The following MGST1 variants were observed in gnomAD, a reference collection of about 807,000 sequenced individuals.
The protein encoded by MGST1 is glutathione S-transferase 12.
In MGST1, 5 loss-of-function variants were observed where a neutral mutation model predicts 8.9. That is an observed-to-expected ratio of 0.56 (90% CI 0.29 to 1.19). The LOEUF (loss-of-function observed/expected upper bound fraction) is 1.19, where lower values mean the gene tolerates loss of function less well. MGST1 is among the 50% of genes most tolerant of loss of function. The pLI, the probability that MGST1 is intolerant of heterozygous loss-of-function variation, is 0.08. For missense variants in MGST1, 182 were observed against 187.4 expected (o/e 0.97, Z 0.17); for synonymous variants, 54 against 67.8 (o/e 0.80, Z 1.00).
intron 1 of MGST1, among the ~76,000 whole-genome samples, chr12:16,414,894 C>T (rs1428257046): frequency 6.6e-6 from 1 of 152,022 alleles, no homozygotes; most frequent in Non-Finnish European, 1.5e-5. Flanking sequence ...CGTGATGGCA[C>T]GTGCCTGTAA....
rs1744250841 is a variant in MGST1, at chr12:16,535,541, C to CACTAA, written n.483-53987_483-53986insACTAA. ...CAGAGATAGTCAAACTACACAAACACCATGGGGATTCCCCAGTTACATGCA... is the reference window on the plus strand; with the variant it reads ...CAGAGATAGTCAAACTACACAAACACACTAACATGGGGATTCCCCAGTTACATGCA... On this transcript the variant is annotated intron_variant and non_coding_transcript_variant, in intron 4 of 4. Coordinates refer to the MGST1 transcript ENST00000538857. 3.3e-5 allele frequency among the ~76,000 whole-genome samples: 5 copies of CACTAA among 152,324 alleles called. No homozygotes were observed. In the South Asian group the frequency reaches 8.3e-4, roughly 25 times the overall value.
chr12:16,511,120 G>T (rs1269845674), intron 4 of MGST1, among the ~76,000 whole-genome samples: 1 of 152,120 alleles, frequency 6.6e-6, no homozygotes, highest in African/African-American at 2.4e-5. Context: ...TAAATTGTTT[G>T]CATTTTTAAA....
At chr12:16,379,359 A>C (rs1231113752), downstream of MGST1, among the ~76,000 whole-genome samples, 1 of 152,112 alleles carries the variant, frequency 6.6e-6, no homozygotes, top group Admixed American at 6.6e-5. Context: ...TAGCATGAAG[A>C]GTTGTCGAAT....
chr12:16,564,620 A>C (rs929001963), intron 4 of MGST1, among the ~76,000 whole-genome samples: 1 of 152,194 alleles, frequency 6.6e-6, no homozygotes, highest in Non-Finnish European at 1.5e-5. Context: ...CAGTGGCTCA[A>C]GTCACTAAAT....
At chr12:16,387,140 T>C (rs1164361437) in intron 1 of MGST1, among the ~76,000 whole-genome samples, 1 of 152,220 alleles carries the variant, frequency 6.6e-6, no homozygotes, top group Non-Finnish European at 1.5e-5. Context: ...CTTTATTTTA[T>C]TGTGCCTAAT....
At chr12:16,422,254 T>C (rs569320384) in intron 1 of MGST1, among the ~76,000 whole-genome samples, 1 of 152,308 alleles carries the variant, frequency 6.6e-6, no homozygotes, top group South Asian at 2.1e-4. Flanking sequence ...TGTATATGAA[T>C]CTATCCATCT....
Position 16,401,318 on chromosome 12 carries a change from A to G in MGST1, n.778+17714A>G, listed in dbSNP as rs1940653963. The G allele has an allele frequency of 2.1e-6, 3 of 1,436,530 alleles. No homozygotes were observed. The highest frequency in any genetic ancestry group is 1.4e-5 in the African/African-American group (1 of 71,338). 89.0% of individuals were successfully genotyped at this position (1,436,530 alleles called of 1,614,324 possible). Reference sequence around the variant, plus strand: ...AAAACCATTCCTGTCTTCAGTTTGTATTGATTTTTACTATTGATTACTAGG... The same window carrying G: ...AAAACCATTCCTGTCTTCAGTTTGTGTTGATTTTTACTATTGATTACTAGG... On this transcript the variant is annotated intron_variant and non_coding_transcript_variant, in intron 1 of 1. Transcript: ENST00000359720. This position sits in a 1 kb window ranked among gnomAD's most constrained non-coding sequence, Gnocchi z 4.3.
intron 4 of MGST1, chr12:16,550,260 G>C (rs1941939792): frequency 6.6e-6 from 1 of 152,364 alleles, no homozygotes; most frequent in Non-Finnish European, 1.5e-5. Flanking sequence ...AGCTCTTGTG[G>C]AGAGATCTGG....
intron 1 of MGST1, among the ~76,000 whole-genome samples, chr12:16,402,952 T>TCTCTA (rs10643908): frequency 0.39 from 57,344 of 148,750 alleles, 11,133 homozygotes; most frequent in East Asian, 0.52. Context: ...TTTAATATAT[T>TCTCTA]CTCTATATAT....
At chr12:16,420,035 G>A (rs1196452331) in intron 1 of MGST1, among the ~76,000 whole-genome samples, 2 of 151,990 alleles carry the variant, frequency 1.3e-5, no homozygotes, top group African/African-American at 4.8e-5. Context: ...GTGAGGAAAG[G>A]GTGATTTAGA....
chr12:16,540,471 G>A (rs191562338), intron 4 of MGST1, among the ~76,000 whole-genome samples: 9 of 152,280 alleles, frequency 5.9e-5, no homozygotes, highest in African/African-American at 2.2e-4. Flanking sequence ...GTTCTTAGAT[G>A]CATAAGAAAG....
chr12:16,364,740 A>AT (rs1940153594), downstream of MGST1, among the ~76,000 whole-genome samples: 1 of 152,010 alleles, frequency 6.6e-6, no homozygotes, highest in Admixed American at 6.6e-5. The surrounding 1 kb of genome is among the most constrained non-coding windows in gnomAD (Gnocchi z 5.7). Context: ...CCTTATTCCA[A>AT]TTTTTTCATG....
At chr12:16,489,040 T>C (rs1478317606) in intron 4 of MGST1, among the ~76,000 whole-genome samples, 2 of 151,900 alleles carry the variant, frequency 1.3e-5, no homozygotes, top group Non-Finnish European at 2.9e-5. Context: ...AACCCAGGAG[T>C]CTGAGGCTGC....
At chr12:16,488,155 AATTAGGAGAAT>A (rs1474341833) in intron 4 of MGST1, among the ~76,000 whole-genome samples, 1 of 152,202 alleles carries the variant, frequency 6.6e-6, no homozygotes, top group Admixed American at 6.5e-5. Context: ...TGTGAAGTTG[AATTAGGAGAAT>A]ATTGCTTTCT....
downstream of MGST1, among the ~76,000 whole-genome samples, chr12:16,365,772 G>A (rs765963420): frequency 2.0e-5 from 3 of 150,124 alleles, no homozygotes; most frequent in Non-Finnish European, 4.4e-5. Flanking sequence ...CACACACCCT[G>A]CTCTGGAGTT....
In MGST1 at chr12:16,482,292, A is replaced by G. The variant is rs1941369223; in HGVS notation, n.482+98688A>G. On this transcript the variant is annotated intron_variant and non_coding_transcript_variant, in intron 4 of 4. Coordinates refer to the MGST1 transcript ENST00000538857. This position sits in a 1 kb window ranked among gnomAD's most constrained non-coding sequence, Gnocchi z 4.2. The stretch of plus-strand genomic sequence containing the variant: ...AAATATGTGAATACATTTAAAATAG[A>G]TTTTTCTGTGAGAAAAAGAAAAGGA... Among the ~76,000 whole-genome samples the G allele has an allele frequency of 6.6e-6, 1 of 152,100 alleles. No homozygotes were observed.
At chr12:16,366,613 A>C (rs574764521), downstream of MGST1, among the ~76,000 whole-genome samples, 1 of 148,498 alleles carries the variant, frequency 6.7e-6, no homozygotes, top group South Asian at 2.1e-4. This position sits in a 1 kb window ranked among gnomAD's most constrained non-coding sequence, Gnocchi z 4.0. Context: ...TTCTATCTGC[A>C]TGCATATCTG....
chr12:16,532,119 C>A (rs1259223025), intron 4 of MGST1, among the ~76,000 whole-genome samples: 1 of 152,130 alleles, frequency 6.6e-6, no homozygotes, highest in Non-Finnish European at 1.5e-5. Flanking sequence ...ATGCTCAGGA[C>A]AGACTGCAAA....
At chr12:16,398,278 A>T (rs11830466) in intron 1 of MGST1, among the ~76,000 whole-genome samples, 58,996 of 151,940 alleles carry the variant, frequency 0.39, 11,558 homozygotes, top group East Asian at 0.53. Flanking sequence ...CCAAAAGGGG[A>T]GGATGGCAAG....
Sources: gnomAD v4.1 joint callset for allele counts (sites outside exome capture counted in the v4.1 genomes callset) on GRCh38, gnomAD v4.1.1 for gene constraint, Gnocchi (gnomAD v3.1) non-coding constraint, MANE v1.5 for transcripts, NCBI Gene and HGNC (gene_info 2026-07-23, HGNC 2026-07-21) for gene names.